Variants in ADAMTS7 observed in about 807,000 individuals in gnomAD.
ADAMTS7 encodes A disintegrin and metalloproteinase with thrombospondin motifs 7.
ADAMTS7 carries 89 observed loss-of-function variants against 172.6 expected under a neutral mutation model. That is an observed-to-expected ratio of 0.52 (90% CI 0.43 to 0.61). The LOEUF (loss-of-function observed/expected upper bound fraction) is 0.61. Ranked by LOEUF, ADAMTS7 falls within the 20% of genes least tolerant of loss-of-function variation. The probability of loss-of-function intolerance (pLI) is 0.00; values close to 1 mark genes in which losing one functional copy is unlikely to be tolerated. For synonymous variants in ADAMTS7, 885 were observed against 978.4 expected (o/e 0.90, Z 1.78); for missense variants, 1,973 against 2,355.6 (o/e 0.84, Z 3.36).
intron 1 of ADAMTS7, 144 bp downstream of exon 1, chr15:78,810,977 A>G (rs1385173685): frequency 1.1e-6 from 1 of 913,366 alleles, no homozygotes; most frequent in African/African-American, 1.7e-5. Flanking sequence ...CTGTCCCCTA[A>G]TACCCAGGGA....
intron 4 of ADAMTS7, among the ~76,000 whole-genome samples, chr15:78,794,992 TA>T (rs1389013328): frequency 6.6e-6 from 1 of 152,222 alleles, no homozygotes; most frequent in Non-Finnish European, 1.5e-5. Context: ...GCTGGGATTA[TA>T]ACCATGAACC....
chr15:78,796,680 C>A lies in ADAMTS7; in HGVS notation c.729G>T (p.Trp243Cys). The change falls in exon 4 of 24, where the codon TGG (tryptophan) becomes TGT (cysteine). Residue 243 changes from tryptophan (W) to cysteine (C), a missense_variant. Transcript: ENST00000388820. ...CATCAGCTACTACCAGGGTCTCCAC[C>A]CACTTCTCTTTGCTGACCGACCGCT... ...LHQRSVSKEK[W>C]VETLVVADAK... 2 of 1,614,082 alleles carry A rather than the reference C, an allele frequency of 1.2e-6. No individual in the cohort carries two copies. The highest frequency in any genetic ancestry group is 1.7e-6 in the Non-Finnish European group (2 of 1,180,020).
At chr15:78,793,176 T>C (rs1031626832) in intron 4 of ADAMTS7, among the ~76,000 whole-genome samples, 1 of 152,104 alleles carries the variant, frequency 6.6e-6, no homozygotes, top group African/African-American at 2.4e-5. Flanking sequence ...ACAAATGAGG[T>C]AAGTGAAGCT....
intron 8 of ADAMTS7, among the ~76,000 whole-genome samples, chr15:78,785,176 A>G (rs1160489211): frequency 6.6e-6 from 1 of 152,146 alleles, no homozygotes; most frequent in Non-Finnish European, 1.5e-5. Flanking sequence ...ATTAAAAGAC[A>G]TCTTATAAAA....
At chr15:78,792,585 C>T (rs1403604227) in intron 4 of ADAMTS7, among the ~76,000 whole-genome samples, 1 of 152,228 alleles carries the variant, frequency 6.6e-6, no homozygotes, top group Non-Finnish European at 1.5e-5. Context: ...CCTCTCTGAC[C>T]TCCCCTTGCC....
At chr15:78,788,733 C>T (rs568158327) in intron 7 of ADAMTS7, among the ~76,000 whole-genome samples, 35 of 152,378 alleles carry the variant, frequency 2.3e-4, no homozygotes, top group African/African-American at 7.7e-4. Flanking sequence ...AACAGTCTGA[C>T]AGCGGTTCCC....
At chr15:78,773,718 A>G (rs1450458165) in intron 13 of ADAMTS7, among the ~76,000 whole-genome samples, 1 of 152,092 alleles carries the variant, frequency 6.6e-6, no homozygotes, top group Admixed American at 6.5e-5. Context: ...TTGTTACCAC[A>G]CACTGAGGGC....
chr15:78,766,543 C>G lies in ADAMTS7; in HGVS notation c.3368G>C (p.Gly1123Ala), dbSNP rs771128977. 1.9e-6 allele frequency: 3 copies of G among 1,598,018 alleles called. No homozygotes were observed. The highest frequency in any genetic ancestry group is 3.4e-5 in the Admixed American group (2 of 58,864). The change falls in exon 19 of 24, where the codon GGG becomes GCG. Residue 1123 changes from glycine (G) to alanine (A), a missense_variant. Coordinates refer to ENST00000388820, the MANE Select transcript of ADAMTS7 (RefSeq NM_014272.5). ...ATEPPAAKEE[G>A]VLGPWSPSPW... ...GCTCGGGGACCAAGGTCCCAGTACC[C>G]CCTCCTCCTTGGCTGCAGGAGGCTC...
chr15:78,779,233 G>C (rs2055395852), intron 8 of ADAMTS7, among the ~76,000 whole-genome samples: 1 of 152,222 alleles, frequency 6.6e-6, no homozygotes, highest in Admixed American at 6.5e-5. Context: ...GCTGGATGCA[G>C]TCCTAGTGCC....
intron 8 of ADAMTS7, among the ~76,000 whole-genome samples, chr15:78,786,668 C>G (rs1019397003): frequency 6.6e-6 from 1 of 152,174 alleles, no homozygotes; most frequent in Admixed American, 6.5e-5. Flanking sequence ...AAAAGGTAGA[C>G]AGCCTGGGTA....
intron 16 of ADAMTS7, among the ~76,000 whole-genome samples, chr15:78,769,287 G>A (rs912935160): frequency 4.6e-5 from 7 of 152,170 alleles, no homozygotes. Context: ...GACCCCCTCT[G>A]CTGGTGGCTC....
intron 1 of ADAMTS7, among the ~76,000 whole-genome samples, chr15:78,806,345 T>C (rs1274444658): frequency 2.0e-5 from 3 of 152,004 alleles, no homozygotes; most frequent in Non-Finnish European, 2.9e-5. Flanking sequence ...CTCATGGTGG[T>C]AGGGGCACTG....
At chr15:78,808,603 G>T (rs1335233210) in intron 1 of ADAMTS7, among the ~76,000 whole-genome samples, 1 of 151,240 alleles carries the variant, frequency 6.6e-6, no homozygotes, top group Non-Finnish European at 1.5e-5. Context: ...AAGTGCAGGG[G>T]TAAGTTTAAA....
chr15:78,771,562 C>T lies in ADAMTS7; in HGVS notation c.2376+23G>A, dbSNP rs1441792935. The T allele has an allele frequency of 6.3e-7, 1 of 1,583,052 alleles. No homozygotes were observed. Among genetic ancestry groups the T allele is most frequent in the Admixed American group, 1.8e-5 (1 of 56,520 alleles). On this transcript the variant is annotated intron_variant, in intron 15 of 23. Transcript: ENST00000388820. The surrounding 1 kb of genome is among the most constrained non-coding windows in gnomAD (Gnocchi z 4.9). ...GGGGACTCCGCCTCTGCTCCCCCCG[C>T]CTGGGCCACGGGAGGCAGGCACCTG...
chr15:78,773,498 G>A (rs1205399948), intron 13 of ADAMTS7, among the ~76,000 whole-genome samples: 1 of 151,798 alleles, frequency 6.6e-6, no homozygotes, highest in African/African-American at 2.4e-5. Flanking sequence ...GGCAGGCAGG[G>A]GATCTGACAC....
intron 10 of ADAMTS7, 104 bp downstream of exon 10, chr15:78,776,645 G>C (rs1241792409): frequency 6.6e-6 from 8 of 1,214,242 alleles, no homozygotes; most frequent in South Asian, 5.7e-5. Flanking sequence ...GGCTCTGCTA[G>C]GAGCACAAGC....
intron 2 of ADAMTS7, among the ~76,000 whole-genome samples, chr15:78,799,772 T>C (rs1175834288): frequency 6.6e-6 from 1 of 152,198 alleles, no homozygotes; most frequent in Non-Finnish European, 1.5e-5. Context: ...GCAAAAATTC[T>C]GTTTAAACAG....
intron 8 of ADAMTS7, among the ~76,000 whole-genome samples, chr15:78,783,570 G>A (rs1197412267): frequency 1.3e-5 from 2 of 152,056 alleles, no homozygotes; most frequent in East Asian, 1.9e-4. Context: ...GAGCCACCAC[G>A]CCTGGCCAAG....
intron 8 of ADAMTS7, among the ~76,000 whole-genome samples, chr15:78,785,931 AT>A (rs79367199): frequency 0.31 from 45,809 of 145,674 alleles, 7,360 homozygotes; most frequent in South Asian, 0.41. Context: ...ATCTTCTATT[AT>A]TTTTTTTTTT....
Sources: allele counts gnomAD v4.1 joint callset (sites outside exome capture counted in the v4.1 genomes callset), GRCh38; gene constraint gnomAD v4.1.1; non-coding constraint Gnocchi (gnomAD v3.1); transcripts MANE v1.5; gene names NCBI Gene and HGNC (gene_info 2026-07-23, HGNC 2026-07-21).